Variants in VSTM2L observed in about 807,000 individuals in gnomAD.
VSTM2L encodes the protein V-set and transmembrane domain-containing protein 2-like protein.
A neutral mutation model predicts 19.9 loss-of-function variants in VSTM2L; 9 were observed. The observed-to-expected ratio is 0.45, with a 90% CI of 0.27 to 0.79. The LOEUF (loss-of-function observed/expected upper bound fraction) is 0.79, where lower values mean the gene tolerates loss of function less well. Among genes scored for constraint, VSTM2L ranks in the 30% least tolerant of loss-of-function variants. VSTM2L has a pLI of 0.15. For missense variants in VSTM2L, 286 were observed against 295.5 expected, an observed-to-expected ratio of 0.97 and a Z score of 0.24; for synonymous variants, 127 against 133.8, an observed-to-expected ratio of 0.95 and a Z score of 0.35.
In VSTM2L at chr20:37,921,838, C is replaced by CTTTTT. The variant is rs756122087; in HGVS notation, c.122-9779_122-9775dup. On this transcript the variant is annotated intron_variant, in intron 1 of 3. Transcript: ENST00000373461. ...TTTCTCTCTTTCTTTCTTTCTTTTC[C>CTTTTT]TTTTTTTTTTTTTTTTTTTTTTGAG... Among the ~76,000 whole-genome samples, 67 of 91,766 alleles carry CTTTTT rather than the reference C, an allele frequency of 7.3e-4. 2 individuals carry two copies. Among genetic ancestry groups the CTTTTT allele is most frequent in the African/African-American group, 2.7e-3 (52 of 19,350 alleles). The allele number at this position is 91,766 out of a possible 152,430, so 60.2% of individuals were successfully genotyped here.
At chr20:37,909,490 C>T (rs553161653) in intron 1 of VSTM2L, among the ~76,000 whole-genome samples, 3 of 152,248 alleles carry the variant, frequency 2.0e-5, no homozygotes, top group South Asian at 4.1e-4. Context: ...ACGAGGAGGA[C>T]GAAGCAGGGG....
chr20:37,909,399 A>G (rs2072767706), intron 1 of VSTM2L, among the ~76,000 whole-genome samples: 1 of 152,126 alleles, frequency 6.6e-6, no homozygotes, highest in African/African-American at 2.4e-5. Context: ...CGCTGGGCAC[A>G]CTGGGGTCAG....
At position 37,903,558 on chromosome 20, in the gene VSTM2L, A is replaced by T. The variant is rs372835707; in HGVS notation, c.121+87A>T. Reference sequence around the variant, plus strand: ...CCAACTTGGCCGCCCCGGGGCTCGAACCGGCGCCAGTCGTGGCGGGCATCC... The same window carrying T: ...CCAACTTGGCCGCCCCGGGGCTCGATCCGGCGCCAGTCGTGGCGGGCATCC... On this transcript the variant is annotated intron_variant, in intron 1 of 3. Transcript: ENST00000373461. 1.4e-5 allele frequency: 19 copies of T among 1,317,254 alleles called. No individual in the cohort carries two copies. The South Asian group carries it at 2.4e-4, about 17-fold the overall frequency. 81.6% of individuals were successfully genotyped at this position (1,317,254 alleles called of 1,614,324 possible).
chr20:37,933,849 C>A (rs1029696089), intron 3 of VSTM2L, among the ~76,000 whole-genome samples: 1 of 152,206 alleles, frequency 6.6e-6, no homozygotes, highest in Non-Finnish European at 1.5e-5. Context: ...CATCCTGGTG[C>A]CTTCGTGCTT....
At chr20:37,905,085 T>A (rs1352274587) in intron 1 of VSTM2L, among the ~76,000 whole-genome samples, 1 of 151,948 alleles carries the variant, frequency 6.6e-6, no homozygotes, top group Admixed American at 6.6e-5. Flanking sequence ...GGCCCCAGGG[T>A]CTGTCAGGCA....
intron 3 of VSTM2L, among the ~76,000 whole-genome samples, chr20:37,937,515 T>C (rs927834443): frequency 6.6e-6 from 1 of 152,192 alleles, no homozygotes; most frequent in African/African-American, 2.4e-5. Context: ...AAAATTGAGG[T>C]TAATTTTCCC....
intron 1 of VSTM2L, among the ~76,000 whole-genome samples, chr20:37,907,421 A>G (rs1203622823): frequency 6.6e-6 from 1 of 152,174 alleles, no homozygotes; most frequent in African/African-American, 2.4e-5. Context: ...CTGCATTTTA[A>G]TAAGTTCCCC....
chr20:37,937,057 C>G (rs1008138201), intron 3 of VSTM2L, among the ~76,000 whole-genome samples: 13 of 152,064 alleles, frequency 8.5e-5, no homozygotes, highest in African/African-American at 3.1e-4. Flanking sequence ...CCCGTCTCTA[C>G]TAAAAATACA....
In VSTM2L at chr20:37,914,998, G is replaced by A. The variant is rs371487195; in HGVS notation, c.121+11527G>A. Among the ~76,000 whole-genome samples, 7 of 152,366 alleles carry A rather than the reference G, an allele frequency of 4.6e-5. No homozygotes were observed. The East Asian group carries it at 5.8e-4, about 13-fold the overall frequency. ...AGGTTTTAAAAAAATCATTTCCGGC[G>A]TTGAAGGCGGCGGCAATTAGGGCCT... On this transcript the variant is annotated intron_variant, in intron 1 of 3. Coordinates refer to ENST00000373461, the MANE Select transcript of VSTM2L (RefSeq NM_080607.3).
chr20:37,931,668 C>CACGG lies in VSTM2L; in HGVS notation c.160_163dup (p.Gly55AspfsTer154). On this transcript the variant is annotated frameshift_variant, in exon 2 of 4. Transcript: ENST00000373461. LOFTEE classifies it high-confidence loss of function. Reference sequence around the variant, plus strand: ...ACAGAGACACCCCATGACATGACAGCACGGACGGGCGAGGACGTGGAGATG... The same window carrying CACGG: ...ACAGAGACACCCCATGACATGACAGCACGGACGGACGGGCGAGGACGTGGAGATG... 5.0e-6 allele frequency: 8 copies of CACGG among 1,613,386 alleles called. No individual in the cohort carries two copies. The highest frequency in any genetic ancestry group is 6.8e-6 in the Non-Finnish European group (8 of 1,179,976).
chr20:37,911,146 C>T (rs371596785), intron 1 of VSTM2L, among the ~76,000 whole-genome samples: 1 of 146,880 alleles, frequency 6.8e-6, no homozygotes, highest in African/African-American at 2.6e-5. Flanking sequence ...TGGCGGGCAC[C>T]TGTAATCCCA....
At chr20:37,936,581 G>A (rs2072941634) in intron 3 of VSTM2L, among the ~76,000 whole-genome samples, 3 of 152,136 alleles carry the variant, frequency 2.0e-5, no homozygotes, top group Admixed American at 1.3e-4. Context: ...GTGCGGGGAG[G>A]GCTTCGTGAA....
chr20:37,928,998 C>CTAG lies in VSTM2L; in HGVS notation c.122-2636_122-2635insAGT, dbSNP rs1230922917. On this transcript the variant is annotated intron_variant, in intron 1 of 3. Transcript: ENST00000373461. ...AGCAGACACAGGTGACTGCTAGCTACTGTACTAGCTCAGTTACAGGACACC... is the reference window on the plus strand; with the variant it reads ...AGCAGACACAGGTGACTGCTAGCTACTAGTGTACTAGCTCAGTTACAGGACACC... Among the ~76,000 whole-genome samples, 5 of 152,242 alleles carry CTAG rather than the reference C, an allele frequency of 3.3e-5. No individual in the cohort carries two copies. The East Asian group carries it at 9.6e-4, about 29-fold the overall frequency.
At chr20:37,942,497 T>C (rs1361316341) in intron 3 of VSTM2L, among the ~76,000 whole-genome samples, 1 of 152,062 alleles carries the variant, frequency 6.6e-6, no homozygotes, top group Non-Finnish European at 1.5e-5. Context: ...AACAAATAGA[T>C]GCAGGCAGCA....
intron 3 of VSTM2L, among the ~76,000 whole-genome samples, chr20:37,939,768 G>A (rs985603477): frequency 7.9e-5 from 12 of 152,206 alleles, no homozygotes; most frequent in African/African-American, 2.7e-4. Flanking sequence ...GTAGGCACTC[G>A]CTAAGTGCTT....
chr20:37,921,838 C>CTTTTTTTTTTTTTTTTTTTT (rs756122087), intron 1 of VSTM2L, among the ~76,000 whole-genome samples: 6 of 91,774 alleles, frequency 6.5e-5, no homozygotes, highest in African/African-American at 1.0e-4. Flanking sequence ...CTTTCTTTTC[C>CTTTTTTTTTTTTTTTTTTTT]TTTTTTTTTT....
intron 1 of VSTM2L, among the ~76,000 whole-genome samples, chr20:37,927,056 C>T (rs990225942): frequency 6.6e-6 from 1 of 152,244 alleles, no homozygotes; most frequent in Admixed American, 6.5e-5. Flanking sequence ...CCTCCTCCTC[C>T]CGGGTTCAAG....
intron 1 of VSTM2L, among the ~76,000 whole-genome samples, chr20:37,918,653 T>G (rs540310314): frequency 6.6e-6 from 1 of 152,306 alleles, no homozygotes; most frequent in South Asian, 2.1e-4. Context: ...AAGTAAATAA[T>G]GGTGCATGTG....
At chr20:37,929,591 G>A (rs1315528290) in intron 1 of VSTM2L, among the ~76,000 whole-genome samples, 1 of 152,186 alleles carries the variant, frequency 6.6e-6, no homozygotes, top group African/African-American at 2.4e-5. Flanking sequence ...TTTATGTTTT[G>A]TCAAGGTACG....
Sources: gnomAD v4.1 joint callset for allele counts (sites outside exome capture counted in the v4.1 genomes callset) on GRCh38, gnomAD v4.1.1 for gene constraint, MANE v1.5 for transcripts, NCBI Gene and HGNC (gene_info 2026-07-23, HGNC 2026-07-21) for gene names.